Variants in CAMTA1 observed in about 807,000 individuals in gnomAD.
CAMTA1 encodes calmodulin binding transcription activator 1.
In CAMTA1, 27 loss-of-function variants were observed where a neutral mutation model predicts 170.9. That is an observed-to-expected ratio of 0.16 (90% CI 0.12 to 0.22). The LOEUF is 0.22. Ranked by LOEUF, CAMTA1 falls within the 10% of genes least tolerant of loss-of-function variation. The pLI, the probability that CAMTA1 is intolerant of heterozygous loss-of-function variation, is 1.00. For synonymous variants in CAMTA1, 833 were observed against 891.5 expected, an observed-to-expected ratio of 0.93 and a Z score of 1.17; for missense variants, 1,619 against 2,217.2, an observed-to-expected ratio of 0.73 and a Z score of 5.42.
rs1344554179 is a variant in CAMTA1 at position 7,641,041 on chromosome 1, C to T, written c.664+488C>T. Among the ~76,000 whole-genome samples, 1 of 152,206 alleles carries T rather than the reference C, an allele frequency of 6.6e-6. No individual in the cohort carries two copies. Among genetic ancestry groups the T allele is most frequent in the Non-Finnish European group, 1.5e-5 (1 of 68,046 alleles). On this transcript the variant is annotated intron_variant, in intron 7 of 22. Transcript: ENST00000303635. The surrounding 1 kb of genome is among the most constrained non-coding windows in gnomAD (Gnocchi z 4.5). ...TGGCAAATAGATGATGGTAATTGAG[C>T]TGGATTTCATTTTGTCAGCAAAGTG...
At chr1:7,263,348 C>T (rs899338967) in intron 5 of CAMTA1, among the ~76,000 whole-genome samples, 2 of 152,134 alleles carry the variant, frequency 1.3e-5, no homozygotes, top group African/African-American at 4.8e-5. Context: ...TATAACAAAA[C>T]CAGAAATGAA....
At chr1:7,265,177 C>T (rs982659020) in intron 5 of CAMTA1, among the ~76,000 whole-genome samples, 1 of 152,164 alleles carries the variant, frequency 6.6e-6, no homozygotes, top group Non-Finnish European at 1.5e-5. Context: ...GCTGTCCCAG[C>T]CAGCAGCCAT....
intron 6 of CAMTA1, among the ~76,000 whole-genome samples, chr1:7,498,803 G>A (rs570145986): frequency 1.2e-4 from 18 of 148,234 alleles, no homozygotes; most frequent in African/African-American, 3.2e-4. Context: ...GTGCATGTGT[G>A]TACATGTGTG....
intron 3 of CAMTA1, among the ~76,000 whole-genome samples, chr1:6,935,399 AT>A (rs1685133688): frequency 6.6e-6 from 1 of 152,178 alleles, no homozygotes; most frequent in African/African-American, 2.4e-5. Flanking sequence ...CAAAAAAAAA[AT>A]GACGGATGAT....
intron 6 of CAMTA1, among the ~76,000 whole-genome samples, chr1:7,637,791 G>GCCCTA (rs2095725347): frequency 6.6e-6 from 1 of 152,244 alleles, no homozygotes; most frequent in South Asian, 2.1e-4. Context: ...ACCCTGCCCT[G>GCCCTA]CCCTACCCTG....
chr1:7,278,857 T>G (rs1260903796), intron 5 of CAMTA1, among the ~76,000 whole-genome samples: 1 of 152,182 alleles, frequency 6.6e-6, no homozygotes, highest in South Asian at 2.1e-4. Context: ...CTGTGATTAC[T>G]GCCATAGAGG....
At chr1:7,071,184 A>G (rs1227062118) in intron 3 of CAMTA1, among the ~76,000 whole-genome samples, 1 of 152,160 alleles carries the variant, frequency 6.6e-6, no homozygotes, top group Non-Finnish European at 1.5e-5. Context: ...TGGATTGGGG[A>G]GGATTTGGAC....
intron 16 of CAMTA1, among the ~76,000 whole-genome samples, chr1:7,739,874 T>G (rs2096798603): frequency 6.6e-6 from 1 of 151,966 alleles, no homozygotes; most frequent in Non-Finnish European, 1.5e-5. Flanking sequence ...CCACAACACA[T>G]GGGAATTATG....
intron 4 of CAMTA1, among the ~76,000 whole-genome samples, chr1:7,105,380 C>G (rs949717082): frequency 6.6e-6 from 1 of 152,218 alleles, no homozygotes; most frequent in Non-Finnish European, 1.5e-5. Context: ...GGAAAGGTAT[C>G]TGAATTCGCA....
chr1:7,350,111 C>T (rs1327422414), intron 5 of CAMTA1, among the ~76,000 whole-genome samples: 3 of 152,200 alleles, frequency 2.0e-5, no homozygotes, highest in Non-Finnish European at 2.9e-5. Context: ...CTGCCCCAGC[C>T]TCCCGAGAGG....
chr1:7,480,230 AGT>A (rs2093498672), intron 6 of CAMTA1, among the ~76,000 whole-genome samples: 1 of 125,244 alleles, frequency 8.0e-6, no homozygotes, highest in African/African-American at 3.4e-5. Context: ...CGTGTGTGTG[AGT>A]GCATGTGTCC....
At chr1:7,309,363 G>A (rs928507595) in intron 5 of CAMTA1, among the ~76,000 whole-genome samples, 5 of 122,488 alleles carry the variant, frequency 4.1e-5, no homozygotes, top group Admixed American at 3.3e-4. Context: ...GCAGTGACAC[G>A]ATCTCAGCTC....
chr1:7,423,398 G>A (rs2091693068), intron 5 of CAMTA1, among the ~76,000 whole-genome samples: 1 of 151,260 alleles, frequency 6.6e-6, no homozygotes. Flanking sequence ...TGAACCCGGA[G>A]GCAGAGGTTG....
intron 4 of CAMTA1, among the ~76,000 whole-genome samples, chr1:7,183,676 A>G (rs142046489): frequency 1.3e-5 from 2 of 152,186 alleles, no homozygotes; most frequent in Admixed American, 6.5e-5. Context: ...ATGAACTGGC[A>G]TGGGGTGTAT....
At chr1:6,892,237 C>T (rs991176298) in intron 3 of CAMTA1, among the ~76,000 whole-genome samples, 3 of 152,196 alleles carry the variant, frequency 2.0e-5, no homozygotes, top group East Asian at 1.9e-4. Context: ...AACCAAACTT[C>T]GCCATACTGT....
chr1:7,647,589 G>T (rs969775998), intron 7 of CAMTA1, among the ~76,000 whole-genome samples: 2 of 152,198 alleles, frequency 1.3e-5, no homozygotes, highest in Non-Finnish European at 2.9e-5. Flanking sequence ...ATTCTGGAGT[G>T]GTGGGGCTTG....
intron 4 of CAMTA1, among the ~76,000 whole-genome samples, chr1:7,160,543 C>T (rs1368019522): frequency 6.6e-6 from 1 of 152,124 alleles, no homozygotes; most frequent in African/African-American, 2.4e-5. Context: ...CCTTCCAACT[C>T]CCTGACCACC....
Position 6,803,667 on chromosome 1 carries a change from C to CA in CAMTA1, c.46-16512dup, listed in dbSNP as rs1338762975. On this transcript the variant is annotated intron_variant, in intron 1 of 22. Coordinates refer to ENST00000303635, the MANE Select transcript of CAMTA1 (RefSeq NM_015215.4). The stretch of plus-strand genomic sequence containing the variant: ...AGGAAAGTGTATGTTTTTAAAGAAA[C>CA]AACCTTCACAGTGGTTTCAGTAGTT... Among the ~76,000 whole-genome samples, 4 of 152,200 alleles carry CA rather than the reference C, an allele frequency of 2.6e-5. No homozygotes were observed. The East Asian group carries it at 7.7e-4, about 29-fold the overall frequency.
At chr1:7,178,128 G>A (rs1311212634) in intron 4 of CAMTA1, among the ~76,000 whole-genome samples, 1 of 152,182 alleles carries the variant, frequency 6.6e-6, no homozygotes, top group Non-Finnish European at 1.5e-5. Context: ...GAAAAGGCTT[G>A]AACACTTAAA....
Sources: gnomAD v4.1 joint callset for allele counts (sites outside exome capture counted in the v4.1 genomes callset) on GRCh38, gnomAD v4.1.1 for gene constraint, Gnocchi (gnomAD v3.1) non-coding constraint, MANE v1.5 for transcripts, NCBI Gene and HGNC (gene_info 2026-07-23, HGNC 2026-07-21) for gene names.